The following ANKRD50 variants were observed in gnomAD, a reference collection of about 807,000 sequenced individuals.
ANKRD50 encodes ankyrin repeat domain-containing protein 50.
ANKRD50 carries 40 observed loss-of-function variants against 112.0 expected under a neutral mutation model. That is an observed-to-expected ratio of 0.36 (90% CI 0.28 to 0.46). The LOEUF (loss-of-function observed/expected upper bound fraction) is 0.46. Ranked by LOEUF, ANKRD50 falls within the 20% of genes least tolerant of loss-of-function variation. The pLI is 1.00. For synonymous variants in ANKRD50, 613 were observed against 619.1 expected (o/e 0.99, Z 0.15); for missense variants, 1,487 against 1,701.7 (o/e 0.87, Z 2.22).
Position 124,671,137 on chromosome 4 carries a change from G to A in ANKRD50, c.2140C>T (p.Leu714Phe), listed in dbSNP as rs745435932. 7 of 1,613,814 alleles carry A rather than the reference G, an allele frequency of 4.3e-6. No individual in the cohort carries two copies. Among genetic ancestry groups the A allele is most frequent in the Non-Finnish European group, 5.9e-6 (7 of 1,179,838 alleles). The change falls in exon 4 of 5, where the codon CTC (leucine) becomes TTC (phenylalanine). Residue 714 changes from leucine to phenylalanine, a missense_variant. Physicochemically the swap from Leu to Phe is conservative, Grantham distance 22. Around this residue, in one of 2 missense-constraint regions of ANKRD50, gnomAD observed 1,046 missense variants for 1,269.5 expected, o/e 0.82. Coordinates refer to ENST00000504087, the MANE Select transcript of ANKRD50 (RefSeq NM_020337.3). ...NHEDVDGRTA[L>F]SVAALCVPAS... ...GGCACACAAAGTGCAGCTACAGAGA[G>A]TGCAGTCCTGCCATCAACATCCTCA...
At chr4:124,705,450 A>C (rs2110528595) in intron 2 of ANKRD50, among the ~76,000 whole-genome samples, 1 of 152,340 alleles carries the variant, frequency 6.6e-6, no homozygotes, top group Admixed American at 6.5e-5. Flanking sequence ...AGAACAAAAT[A>C]TTTCTACCCA....
intron 2 of ANKRD50, among the ~76,000 whole-genome samples, chr4:124,693,187 G>T (rs1048131258): frequency 1.3e-5 from 2 of 152,190 alleles, no homozygotes; most frequent in Admixed American, 6.5e-5. Context: ...AACCAGGCAA[G>T]TGATGTTAAC....
In ANKRD50 at chr4:124,691,157, A is replaced by G. The variant is rs559184750; in HGVS notation, c.513-12252T>C. 7.9e-5 allele frequency among the ~76,000 whole-genome samples: 12 copies of G among 152,300 alleles called. 1 individual carries two copies. In the South Asian group the frequency reaches 2.5e-3, roughly 32 times the overall value. On this transcript the variant is annotated intron_variant, in intron 2 of 4. Coordinates refer to ENST00000504087, the MANE Select transcript of ANKRD50 (RefSeq NM_020337.3). ...TCCCCACTTTCACTTACGATTCAAAATATTATGTTATTCTGCACTTGTTTG... is the reference window on the plus strand; with the variant it reads ...TCCCCACTTTCACTTACGATTCAAAGTATTATGTTATTCTGCACTTGTTTG...
At chr4:124,702,836 C>G (rs1242690107) in intron 2 of ANKRD50, among the ~76,000 whole-genome samples, 1 of 152,060 alleles carries the variant, frequency 6.6e-6, no homozygotes, top group Non-Finnish European at 1.5e-5. Flanking sequence ...ACTTAGTACA[C>G]ATCTAACACA....
In ANKRD50 at chr4:124,710,218, A is replaced by G; in HGVS notation, c.294T>C (p.Ser98=). The G allele has an allele frequency of 6.2e-7, 1 of 1,614,182 alleles. No individual in the cohort carries two copies. The highest frequency in any genetic ancestry group is 8.5e-7 in the Non-Finnish European group (1 of 1,180,034). The change falls in exon 2 of 5, where the codon AGT becomes AGC. Residue 98 remains serine, a synonymous_variant. Coordinates refer to ENST00000504087, the MANE Select transcript of ANKRD50 (RefSeq NM_020337.3). ...CTTGGCGATGTAAACCTCTCTGCAA[A>G]CTTGCAGGTGAACTTGGCCATAAGA... is the stretch of plus-strand genomic sequence containing the variant. The part of the protein sequence containing the change: ...TELLWPSSPA[S]LQRGLHRQAL...
intron 2 of ANKRD50, among the ~76,000 whole-genome samples, chr4:124,698,699 C>T (rs996436477): frequency 2.0e-5 from 3 of 152,008 alleles, no homozygotes; most frequent in Non-Finnish European, 2.9e-5. Flanking sequence ...GTGGAGCTTC[C>T]AGGGGCTACA....
chr4:124,682,113 G>A (rs563826386), intron 2 of ANKRD50, among the ~76,000 whole-genome samples: 5 of 151,954 alleles, frequency 3.3e-5, no homozygotes, highest in South Asian at 2.1e-4. Context: ...TCAGGAGATC[G>A]AGACCATCCT....
chr4:124,673,668 C>T (rs1365543283), intron 3 of ANKRD50, among the ~76,000 whole-genome samples: 1 of 151,980 alleles, frequency 6.6e-6, no homozygotes, highest in African/African-American at 2.4e-5. Context: ...GCTCTGCCAA[C>T]AGGACTGAAA....
At chr4:124,676,194 T>A (rs1021046158) in intron 3 of ANKRD50, among the ~76,000 whole-genome samples, 3 of 151,754 alleles carry the variant, frequency 2.0e-5, no homozygotes, top group African/African-American at 7.2e-5. Flanking sequence ...GTTATGTTTA[T>A]GAGTAGAAAG....
At chr4:124,694,740 T>G (rs551842904) in intron 2 of ANKRD50, among the ~76,000 whole-genome samples, 1 of 152,162 alleles carries the variant, frequency 6.6e-6, no homozygotes, top group Non-Finnish European at 1.5e-5. Context: ...AAATCGTTAG[T>G]ATCAGCTTGG....
chr4:124,678,249 A>G (rs1724778886), intron 3 of ANKRD50, among the ~76,000 whole-genome samples: 1 of 152,016 alleles, frequency 6.6e-6, no homozygotes, highest in East Asian at 1.9e-4. Flanking sequence ...TAATAGGAGT[A>G]ACCACAACTT....
At chr4:124,672,690 TTC>T (rs1390066041) in intron 3 of ANKRD50, among the ~76,000 whole-genome samples, 156 bp from the exon 4 acceptor site, 2 of 139,782 alleles carry the variant, frequency 1.4e-5, no homozygotes, top group Non-Finnish European at 3.2e-5. Flanking sequence ...TAAATCAGTT[TTC>T]TTTTCTTTCT....
At chr4:124,691,296 T>G in intron 2 of ANKRD50, among the ~76,000 whole-genome samples, 1 of 151,306 alleles carries the variant, frequency 6.6e-6, no homozygotes, top group Non-Finnish European at 1.5e-5. Context: ...ATCGAGACCA[T>G]CCTGGCTAAC....
At chr4:124,708,693 C>CAT (rs1725559255) in intron 2 of ANKRD50, among the ~76,000 whole-genome samples, 1 of 34,020 alleles carries the variant, frequency 2.9e-5, no homozygotes, top group Admixed American at 3.5e-4. Context: ...CTAACACATA[C>CAT]ACACACACAC....
chr4:124,678,867 T>C lies in ANKRD50; in HGVS notation c.551A>G (p.Gln184Arg), dbSNP rs1724807686. 1 of 1,613,628 alleles carries C rather than the reference T, an allele frequency of 6.2e-7. No individual in the cohort carries two copies. The highest frequency in any genetic ancestry group is 1.3e-5 in the African/African-American group (1 of 74,910). ...ATCAACAAGCAGGTATAGGCTTTGC[T>C]GGGGAGGCTTCATTCCCAGAAGAGG... ...LLPLLGMKPPQQSLYLLVDSV... is the reference protein window; with the variant it reads ...LLPLLGMKPPRQSLYLLVDSV... The change falls in exon 3 of 5, where the codon CAG becomes CGG. Residue 184 changes from glutamine (Q) to arginine (R), a missense_variant. Around this residue, in one of 2 missense-constraint regions of ANKRD50, gnomAD observed 1,046 missense variants for 1,269.5 expected, o/e 0.82. Transcript: ENST00000504087.
chr4:124,712,065 A>G (rs1011740424), intron 1 of ANKRD50, among the ~76,000 whole-genome samples: 1 of 152,080 alleles, frequency 6.6e-6, no homozygotes, highest in Admixed American at 6.5e-5. Flanking sequence ...GGAACCGCCC[A>G]GAGGAGCCAC....
At position 124,667,069 on chromosome 4, in the gene ANKRD50, A is replaced by G. The variant is rs1371465518; in HGVS notation, c.*449T>C. The G allele has an allele frequency of 6.6e-6, 1 of 151,992 alleles. No homozygotes were observed. The highest frequency in any genetic ancestry group is 1.5e-5 in the Non-Finnish European group (1 of 67,936). 9.4% of individuals were successfully genotyped at this position (151,992 alleles called of 1,614,324 possible). A position where few individuals can be genotyped will look rare whatever the true frequency, so the allele number is the denominator to read the frequency against. On this transcript the variant is annotated 3_prime_UTR_variant, in exon 5 of 5. Coordinates refer to ENST00000504087, the MANE Select transcript of ANKRD50 (RefSeq NM_020337.3). ...TCTTTAAAGATACAAGAAACAGGCC[A>G]TACACTACAATGCAATGTGACTGAA...
At chr4:124,703,341 TG>T (rs1431958696) in intron 2 of ANKRD50, among the ~76,000 whole-genome samples, 1 of 152,038 alleles carries the variant, frequency 6.6e-6, no homozygotes, top group African/African-American at 2.4e-5. Context: ...AAGAAACTGA[TG>T]GGGAAGAGGA....
intron 2 of ANKRD50, among the ~76,000 whole-genome samples, chr4:124,704,403 A>C (rs2110527936): frequency 6.6e-6 from 1 of 152,306 alleles, no homozygotes; most frequent in Non-Finnish European, 1.5e-5. Context: ...GAGTGCCAAA[A>C]ATCCTTGGAG....
Sources: allele counts gnomAD v4.1 joint callset (sites outside exome capture counted in the v4.1 genomes callset), GRCh38; gene constraint gnomAD v4.1.1; regional missense constraint gnomAD v4.1.1; transcripts MANE v1.5; gene names NCBI Gene and HGNC (gene_info 2026-07-23, HGNC 2026-07-21).